The following PPP1R15A variants were observed in gnomAD, a reference collection of about 807,000 sequenced individuals.
PPP1R15A encodes growth arrest and DNA damage-inducible protein GADD34.
Under a neutral mutation model 48.5 loss-of-function variants are expected in PPP1R15A, and 43 were observed. The ratio of observed to expected loss-of-function variants is 0.89; its 90% CI spans 0.69 to 1.14. The LOEUF (loss-of-function observed/expected upper bound fraction) is 1.14. Ranked by LOEUF, PPP1R15A falls within the 50% of genes most tolerant of loss-of-function variation. The pLI, the probability that PPP1R15A is intolerant of heterozygous loss-of-function variation, is 0.00. For missense variants in PPP1R15A, 868 were observed against 847.2 expected, an observed-to-expected ratio of 1.02 and a Z score of -0.30; for synonymous variants, 327 against 327.4, an observed-to-expected ratio of 1.00 and a Z score of 0.01.
chr19:48,874,210 C>G lies in PPP1R15A; in HGVS notation c.977C>G (p.Ala326Gly). 6.2e-7 allele frequency: 1 copy of G among 1,614,218 alleles called. No homozygotes were observed. Among genetic ancestry groups the G allele is most frequent in the Non-Finnish European group, 8.5e-7 (1 of 1,180,044 alleles). Residue 326 changes from alanine to glycine, a missense_variant, in exon 2 of 3, where the codon GCT becomes GGT. Ala to Gly is a moderately conservative substitution (Grantham distance 60). Transcript: ENST00000200453. ...ALGAAEKDGE[A>G]ECPPCIPPPS... is the part of the protein sequence containing the mutation. Reference sequence around the variant, plus strand: ...GGGGCAGCTGAGAAGGATGGAGAAGCTGAGTGTCCTCCCTGCATCCCCCCA... The same window carrying G: ...GGGGCAGCTGAGAAGGATGGAGAAGGTGAGTGTCCTCCCTGCATCCCCCCA...
rs1167210980 is a variant in PPP1R15A, at chr19:48,875,725, G to A, written c.1777G>A (p.Ala593Thr). Residue 593 changes from alanine to threonine, a missense_variant, in exon 3 of 3, where the codon GCA becomes ACA. Coordinates refer to ENST00000200453, the MANE Select transcript of PPP1R15A (RefSeq NM_014330.5). ...EQLARDRSRFARRITQAQEEL... is the reference protein window; with the variant it reads ...EQLARDRSRFTRRITQAQEEL... ...GCTTGCTCGGGATCGCAGCCGCTTC[G>A]CACGCCGCATCACCCAGGCCCAGGA... The A allele has an allele frequency of 9.9e-6, 16 of 1,612,824 alleles. No homozygotes were observed. Among genetic ancestry groups the A allele is most frequent in the African/African-American group, 2.7e-5 (2 of 74,872 alleles).
At chr19:48,875,167 G>C (rs1313733221) in intron 2 of PPP1R15A, 3 of 374,130 alleles carry the variant, frequency 8.0e-6, no homozygotes, top group African/African-American at 2.1e-5. Flanking sequence ...CTGACATCAC[G>C]TGATCCACCC....
In PPP1R15A at chr19:48,875,989, C is replaced by G. The variant is rs1329472177; in HGVS notation, c.*16C>G. 2.0e-6 allele frequency: 3 copies of G among 1,534,394 alleles called. No individual in the cohort carries two copies. The highest frequency in any genetic ancestry group is 2.6e-6 in the Non-Finnish European group (3 of 1,140,624). The stretch of plus-strand genomic sequence containing the variant: ...GCGTGGCTGAGACCAACTGGTTTGC[C>G]TATAATTTATTAACTATTTATTTTT... On this transcript the variant is annotated 3_prime_UTR_variant, in exon 3 of 3. Coordinates refer to ENST00000200453, the MANE Select transcript of PPP1R15A (RefSeq NM_014330.5).
rs780995157 is a variant in PPP1R15A at position 48,874,831 on chromosome 19, G to A, written c.1598G>A (p.Arg533Lys). ...APPRLPLRLQ[R>K]RLKRPETPTH... is the part of the protein sequence containing the mutation. Reference sequence around the variant, plus strand: ...CCTAGGCTGCCCCTCCGACTGCAAAGGCGGCTCAAGCGCCCAGAAACCCCT... The same window carrying A: ...CCTAGGCTGCCCCTCCGACTGCAAAAGCGGCTCAAGCGCCCAGAAACCCCT... The change falls in exon 2 of 3, where the codon AGG (arginine) becomes AAG (lysine). Residue 533 changes from arginine (R) to lysine (K), a missense_variant. Coordinates refer to ENST00000200453, the MANE Select transcript of PPP1R15A (RefSeq NM_014330.5). 6.2e-7 allele frequency: 1 copy of A among 1,612,582 alleles called. No individual in the cohort carries two copies. The highest frequency in any genetic ancestry group is 1.1e-5 in the South Asian group (1 of 91,068).
rs1265058121 is a variant in PPP1R15A at position 48,873,348 on chromosome 19, C to G, written c.115C>G (p.Leu39Val). ...LSRAWSRLRG[L>V]GPLEPWLVEA... Reference sequence around the variant, plus strand: ...CCGCGCCTGGAGCCGCCTGAGGGGCCTGGGACCTCTAGAGCCCTGGCTGGT... The same window carrying G: ...CCGCGCCTGGAGCCGCCTGAGGGGCGTGGGACCTCTAGAGCCCTGGCTGGT... The change falls in exon 2 of 3, where the codon CTG (leucine) becomes GTG (valine). Residue 39 changes from leucine (L) to valine (V), a missense_variant. By Grantham distance (32) the Leu-to-Val change is conservative. Coordinates refer to ENST00000200453, the MANE Select transcript of PPP1R15A (RefSeq NM_014330.5). 1 of 1,613,486 alleles carries G rather than the reference C, an allele frequency of 6.2e-7. No homozygotes were observed. The highest frequency in any genetic ancestry group is 1.3e-5 in the African/African-American group (1 of 74,882).
rs769690304 is a variant in PPP1R15A, at chr19:48,873,957, G to C, written c.724G>C (p.Gly242Arg). 3 of 1,613,900 alleles carry C rather than the reference G, an allele frequency of 1.9e-6. No homozygotes were observed. Among genetic ancestry groups the C allele is most frequent in the Non-Finnish European group, 2.5e-6 (3 of 1,179,962 alleles). Reference sequence around the variant, plus strand: ...GGATAAAAGAACAGAAAGAAGTAAAGGAGCCAGGAAGACCTCCGTGTCCCC... The same window carrying C: ...GGATAAAAGAACAGAAAGAAGTAAACGAGCCAGGAAGACCTCCGTGTCCCC... The part of the protein sequence containing the change: ...TEDKRTERSK[G>R]ARKTSVSPRS... Residue 242 changes from glycine to arginine, a missense_variant, in exon 2 of 3, where the codon GGA (glycine) becomes CGA (arginine). Gly to Arg is a moderately radical substitution (Grantham distance 125, BLOSUM62 -2). Coordinates refer to ENST00000200453, the MANE Select transcript of PPP1R15A (RefSeq NM_014330.5).
rs1356576365 is a variant in PPP1R15A at position 48,874,105 on chromosome 19, C to T, written c.872C>T (p.Ser291Leu). 1 of 1,614,192 alleles carries T rather than the reference C, an allele frequency of 6.2e-7. No individual in the cohort carries two copies. Among genetic ancestry groups the T allele is most frequent in the Admixed American group, 1.7e-5 (1 of 60,026 alleles). Residue 291 changes from serine to leucine, a missense_variant, in exon 2 of 3, where the codon TCA (serine) becomes TTA (leucine). Coordinates refer to ENST00000200453, the MANE Select transcript of PPP1R15A (RefSeq NM_014330.5). ...GAAGCTGCCCCAGGGCCGCAATCCT[C>T]AGCCCCAGCCCAGAGGCCCCAGCTC... ...KGEAAPGPQS[S>L]APAQRPQLKS...
Position 48,874,774 on chromosome 19 carries a change from C to A in PPP1R15A, c.1541C>A (p.Pro514His), listed in dbSNP as rs200237494. ...CCCTTCCGAGTGGCCATCTATGTAC[C>A]TGGAGAGAAGCCACCGCCTCCCTGG... ...PCPFRVAIYV[P>H]GEKPPPPWAP... The change falls in exon 2 of 3, where the codon CCT (proline) becomes CAT (histidine). Residue 514 changes from proline (P) to histidine (H), a missense_variant. Pro to His is a moderately conservative substitution (Grantham distance 77, BLOSUM62 -2). Coordinates refer to ENST00000200453, the MANE Select transcript of PPP1R15A (RefSeq NM_014330.5). 2.2e-5 allele frequency: 35 copies of A among 1,614,076 alleles called. No individual in the cohort carries two copies. Among genetic ancestry groups the A allele is most frequent in the Non-Finnish European group, 2.9e-5 (34 of 1,180,012 alleles).
Position 48,872,620 on chromosome 19 carries a change from C to T in PPP1R15A, c.-41C>T. 2.6e-6 allele frequency: 1 copy of T among 391,072 alleles called. No individual in the cohort carries two copies. The highest frequency in any genetic ancestry group is 1.8e-5 in the South Asian group (1 of 56,684). The allele number at this position is 391,072 out of a possible 1,614,324, so 24.2% of individuals were successfully genotyped here. On this transcript the variant is annotated 5_prime_UTR_variant, in exon 1 of 3. Transcript: ENST00000200453. Reference sequence around the variant, plus strand: ...CTTCTGGCAGACCGAACCGGCGCTCCTGCCCCCGGGGTGACGCGCAGCTCC... The same window carrying T: ...CTTCTGGCAGACCGAACCGGCGCTCTTGCCCCCGGGGTGACGCGCAGCTCC...
Position 48,874,707 on chromosome 19 carries a change from G to A in PPP1R15A, c.1474G>A (p.Glu492Lys). ...WGYRPGKETE[E>K]EEAAEDWGEA... Reference sequence around the variant, plus strand: ...ATATCGACCTGGAAAAGAGACAGAGGAAGAGGAAGCTGCTGAGGACTGGGG... The same window carrying A: ...ATATCGACCTGGAAAAGAGACAGAGAAAGAGGAAGCTGCTGAGGACTGGGG... Residue 492 changes from glutamate (E) to lysine (K), a missense_variant, in exon 2 of 3, where the codon GAA becomes AAA. Glu to Lys is a moderately conservative substitution (Grantham distance 56, BLOSUM62 1). Transcript: ENST00000200453. 2.5e-6 allele frequency: 4 copies of A among 1,614,106 alleles called. No homozygotes were observed. The highest frequency in any genetic ancestry group is 8.5e-7 in the Non-Finnish European group (1 of 1,180,014).
Position 48,875,670 on chromosome 19 carries a change from C to A in PPP1R15A, c.1722C>A (p.Ala574=). 6.2e-7 allele frequency: 1 copy of A among 1,610,656 alleles called. No homozygotes were observed. Among genetic ancestry groups the A allele is most frequent in the Non-Finnish European group, 8.5e-7 (1 of 1,178,958 alleles). Reference sequence around the variant, plus strand: ...TCCTGGCTGTCTGGGCAGGGCCGGCCCAGGCCGCCCGCCAGGGCCCCTGGG... The same window carrying A: ...TCCTGGCTGTCTGGGCAGGGCCGGCACAGGCCGCCCGCCAGGGCCCCTGGG... ...VHFLAVWAGP[A]QAARQGPWEQ... The change falls in exon 3 of 3, where the codon GCC becomes GCA. Residue 574 remains alanine (A), a synonymous_variant. Coordinates refer to ENST00000200453, the MANE Select transcript of PPP1R15A (RefSeq NM_014330.5).
rs1599953135 is a variant in PPP1R15A, at chr19:48,872,518, C to T, written c.-143C>T. ...ACGGCACTTGAGGCAGCCGGAGATA[C>T]TCTGAGTTACTCGGAGCCCGACGCC... On this transcript the variant is annotated 5_prime_UTR_variant, in exon 1 of 3. Coordinates refer to ENST00000200453, the MANE Select transcript of PPP1R15A (RefSeq NM_014330.5). 7 of 456,280 alleles carry T rather than the reference C, an allele frequency of 1.5e-5. No homozygotes were observed. Among genetic ancestry groups the T allele is most frequent in the Admixed American group, 2.4e-5 (1 of 42,542 alleles). 28.3% of individuals were successfully genotyped at this position (456,280 alleles called of 1,614,324 possible).
rs1447933832 is a variant in PPP1R15A at position 48,873,404 on chromosome 19, A to T, written c.171A>T (p.Glu57Asp). 8.7e-6 allele frequency: 14 copies of T among 1,613,582 alleles called. No homozygotes were observed. The highest frequency in any genetic ancestry group is 1.1e-5 in the Non-Finnish European group (13 of 1,179,848). The change falls in exon 2 of 3, where the codon GAA (glutamate) becomes GAT (aspartate). Residue 57 changes from glutamate to aspartate, a missense_variant. Transcript: ENST00000200453. Reference sequence around the variant, plus strand: ...CAGTAAAAGGAGCAGCTCTGGTAGAAGCTGGCCTGGAGGGAGAAGCTAGGA... The same window carrying T: ...CAGTAAAAGGAGCAGCTCTGGTAGATGCTGGCCTGGAGGGAGAAGCTAGGA... Reference protein sequence around the residue: ...VEAVKGAALVEAGLEGEARTP... With the variant: ...VEAVKGAALVDAGLEGEARTP...
Position 48,873,691 on chromosome 19 carries a change from G to C in PPP1R15A, c.458G>C (p.Gly153Ala). Reference sequence around the variant, plus strand: ...AGCCTTCTGATAAGGACACTGCAAGGTTCTGATAAGAACCCAGGGGAGGAG... The same window carrying C: ...AGCCTTCTGATAAGGACACTGCAAGCTTCTGATAAGAACCCAGGGGAGGAG... ...SPSLLIRTLQ[G>A]SDKNPGEEKA... The change falls in exon 2 of 3, where the codon GGT becomes GCT. Residue 153 changes from glycine (G) to alanine (A), a missense_variant. Transcript: ENST00000200453. The C allele has an allele frequency of 6.2e-7, 1 of 1,614,146 alleles. No individual in the cohort carries two copies. The highest frequency in any genetic ancestry group is 8.5e-7 in the Non-Finnish European group (1 of 1,180,032).
Position 48,875,369 on chromosome 19 carries a change from C to T in PPP1R15A, c.1666-245C>T, listed in dbSNP as rs890493970. 6.8e-6 allele frequency: 4 copies of T among 584,942 alleles called. 1 individual carries two copies. Among genetic ancestry groups the T allele is most frequent in the Non-Finnish European group, 1.2e-5 (4 of 334,898 alleles). 36.2% of individuals were successfully genotyped at this position (584,942 alleles called of 1,614,324 possible). On this transcript the variant is annotated intron_variant, in intron 2 of 2. Coordinates refer to ENST00000200453, the MANE Select transcript of PPP1R15A (RefSeq NM_014330.5). ...TGTCACGCAATCCCTTGTAAGAGGCCAGGCCCCTGGGGGAGGAGGGAGCAG... is the reference window on the plus strand; with the variant it reads ...TGTCACGCAATCCCTTGTAAGAGGCTAGGCCCCTGGGGGAGGAGGGAGCAG...
chr19:48,873,506 G>A lies in PPP1R15A; in HGVS notation c.273G>A (p.Glu91=). The A allele has an allele frequency of 3.1e-6, 5 of 1,614,206 alleles. No individual in the cohort carries two copies. Among genetic ancestry groups the A allele is most frequent in the Non-Finnish European group, 4.2e-6 (5 of 1,180,042 alleles). ...CTGAAGACAGTGGAGGCCCTGGAGA[G>A]GACAGAGAAACACTGGGGCTGAAAA... ...EEAEDSGGPG[E]DRETLGLKTS... is the part of the protein sequence containing the mutation. The change falls in exon 2 of 3, where the codon GAG becomes GAA. Residue 91 remains glutamate (E), a synonymous_variant. Coordinates refer to ENST00000200453, the MANE Select transcript of PPP1R15A (RefSeq NM_014330.5).
chr19:48,875,858 C>T lies in PPP1R15A; in HGVS notation c.1910C>T (p.Ser637Phe). ...GCCCTCACCCAGACCTTGCCTTCCT[C>T]CTCTGTCCCTTCGTCCCCAGTCCAG... ...IPALTQTLPS[S>F]SVPSSPVQTT... Residue 637 changes from serine to phenylalanine, a missense_variant, in exon 3 of 3, where the codon TCC (serine) becomes TTC (phenylalanine). Ser to Phe is a radical substitution (Grantham distance 155). Transcript: ENST00000200453. The T allele has an allele frequency of 6.2e-7, 1 of 1,614,154 alleles. No individual in the cohort carries two copies. The highest frequency in any genetic ancestry group is 1.1e-5 in the South Asian group (1 of 91,084).
chr19:48,873,112 G>C (rs895687548), intron 1 of PPP1R15A, 113 bp from the exon 2 acceptor site: 3 of 1,369,650 alleles, frequency 2.2e-6, no homozygotes, highest in Non-Finnish European at 2.8e-6. Flanking sequence ...GGACTCTCGC[G>C]TTGCTATTTA....
At position 48,874,897 on chromosome 19, in the gene PPP1R15A, A is replaced by G; in HGVS notation, c.1664A>G (p.Lys555Arg). Residue 555 changes from lysine (K) to arginine (R), a missense_variant and splice_region_variant, in exon 2 of 3, where the codon AAG becomes AGG. Transcript: ENST00000200453. ...PDPETPLKAR[K>R]VRFSEKVTVH... The stretch of plus-strand genomic sequence containing the variant: ...CCTGAGACTCCCCTAAAGGCCAGAA[A>G]GGTAGGTGCTGAGAGCCCAGATTCT... The G allele has an allele frequency of 6.5e-7, 1 of 1,544,648 alleles. No homozygotes were observed.
Sources: allele counts gnomAD v4.1 joint callset, GRCh38; gene constraint gnomAD v4.1.1; transcripts MANE v1.5; gene names NCBI Gene and HGNC (gene_info 2026-07-23, HGNC 2026-07-21).